RASEF: variants seen among roughly 807,000 people sequenced by gnomAD.
RASEF encodes the protein RAS and EF-hand domain containing.
Under a neutral mutation model 90.1 loss-of-function variants are expected in RASEF, and 68 were observed. The ratio of observed to expected loss-of-function variants is 0.75; its 90% CI spans 0.62 to 0.92. RASEF has a LOEUF of 0.92. Among genes scored for constraint, RASEF ranks in the 40% least tolerant of loss-of-function variants. RASEF has a pLI of 0.00. For synonymous variants in RASEF, 331 were observed against 345.2 expected (o/e 0.96, Z 0.46); for missense variants, 949 against 937.2 (o/e 1.01, Z -0.16).
chr9:83,005,422 T>TA lies in RASEF; in HGVS notation c.1106_1107insT (p.Arg369SerfsTer7). 1 of 1,608,222 alleles carries TA rather than the reference T, an allele frequency of 6.2e-7. No individual in the cohort carries two copies. The highest frequency in any genetic ancestry group is 8.5e-7 in the Non-Finnish European group (1 of 1,174,750). ...GTAAAACTATGTGGCATACCAAAGA[T>TA]CTGTTGAACTTGCTATAACTGTTTT... On this transcript the variant is annotated frameshift_variant, in exon 8 of 17. Coordinates refer to ENST00000376447, the MANE Select transcript of RASEF (RefSeq NM_152573.4). LOFTEE classifies it high-confidence loss of function.
intron 15 of RASEF, 112 bp from the exon 16 acceptor site, chr9:82,990,579 T>C: frequency 3.0e-6 from 2 of 662,892 alleles, no homozygotes; most frequent in Non-Finnish European, 2.5e-6. Flanking sequence ...ATGCTAAGAG[T>C]AACTAATAGC....
At chr9:83,115,388 C>T in the RASEF span, among the ~76,000 whole-genome samples, 1 of 152,028 alleles carries the variant, frequency 6.6e-6, no homozygotes, top group African/African-American at 2.4e-5. Flanking sequence ...AAATATAAAA[C>T]CAAGTAATCA....
chr9:83,179,735 G>T, the RASEF span, among the ~76,000 whole-genome samples: 1 of 152,074 alleles, frequency 6.6e-6, no homozygotes, highest in Non-Finnish European at 1.5e-5. Context: ...AAAGTACCCA[G>T]ATATTTTGCT....
chr9:83,182,628 T>A, the RASEF span, among the ~76,000 whole-genome samples: 1 of 152,212 alleles, frequency 6.6e-6, no homozygotes, highest in African/African-American at 2.4e-5. Context: ...GTGTAAACAC[T>A]TAGACAAATA....
chr9:83,000,073 C>T, intron 12 of RASEF, 96 bp downstream of exon 12: 1 of 1,104,306 alleles, frequency 9.1e-7, no homozygotes, highest in Non-Finnish European at 1.3e-6. Context: ...AAAGAGAAAA[C>T]TGTTAACTGA....
intron 1 of RASEF, among the ~76,000 whole-genome samples, chr9:83,031,932 T>C (rs1373182589): frequency 6.6e-6 from 1 of 152,154 alleles, no homozygotes; most frequent in Non-Finnish European, 1.5e-5. Flanking sequence ...TTCTGGGGTA[T>C]GCCAAGAGAC....
At chr9:83,018,686 CTTA>C (rs146905215) in intron 3 of RASEF, among the ~76,000 whole-genome samples, 74,951 of 151,476 alleles carry the variant, frequency 0.49, 18,663 homozygotes, top group East Asian at 0.73. Flanking sequence ...GATTTCAAGA[CTTA>C]TTATAAACCA....
chr9:83,090,036 CT>C, the RASEF span, among the ~76,000 whole-genome samples: 1 of 152,050 alleles, frequency 6.6e-6, no homozygotes, highest in Non-Finnish European at 1.5e-5. Flanking sequence ...TTTCTTCATT[CT>C]TTTTTCTTTG....
chr9:83,114,147 T>A, the RASEF span, among the ~76,000 whole-genome samples: 2 of 152,132 alleles, frequency 1.3e-5, no homozygotes, highest in Non-Finnish European at 1.5e-5. Flanking sequence ...AGAACATAAA[T>A]TGTGAAGATT....
At chr9:82,986,341 G>A (rs1252906730) in intron 16 of RASEF, among the ~76,000 whole-genome samples, 3 of 152,034 alleles carry the variant, frequency 2.0e-5, no homozygotes, top group Admixed American at 2.0e-4. Flanking sequence ...TATCAGCTAC[G>A]TACCATATGG....
the RASEF span, among the ~76,000 whole-genome samples, chr9:83,161,826 T>C: frequency 6.6e-6 from 1 of 152,040 alleles, no homozygotes; most frequent in Admixed American, 6.5e-5. Context: ...GTTCTCATGA[T>C]AGTGAGTCTT....
the RASEF span, among the ~76,000 whole-genome samples, chr9:83,193,803 A>C: frequency 2.0e-5 from 3 of 152,172 alleles, no homozygotes; most frequent in Non-Finnish European, 2.9e-5. Context: ...GTGCATATAC[A>C]GGTGAAACAT....
the RASEF span, among the ~76,000 whole-genome samples, chr9:83,166,323 G>T: frequency 2.0e-5 from 3 of 152,124 alleles, no homozygotes; most frequent in Admixed American, 6.6e-5. Flanking sequence ...CAACCAAGTG[G>T]AATTTTTCTA....
At chr9:83,184,635 T>C in the RASEF span, among the ~76,000 whole-genome samples, 2 of 152,106 alleles carry the variant, frequency 1.3e-5, no homozygotes, top group Non-Finnish European at 2.9e-5. Context: ...TATTTCATCC[T>C]GTGTTTCTCT....
At chr9:83,123,696 C>A in the RASEF span, among the ~76,000 whole-genome samples, 102 of 152,334 alleles carry the variant, frequency 6.7e-4, no homozygotes, top group African/African-American at 2.2e-3. Context: ...GTCAATAAAT[C>A]TGACTTCCTC....
At chr9:83,179,284 G>A in the RASEF span, among the ~76,000 whole-genome samples, 2 of 152,156 alleles carry the variant, frequency 1.3e-5, no homozygotes, top group East Asian at 3.9e-4. Flanking sequence ...TACCATACTT[G>A]AGAACACACA....
chr9:83,164,292 C>T, the RASEF span, among the ~76,000 whole-genome samples: 10 of 143,588 alleles, frequency 7.0e-5, no homozygotes, highest in South Asian at 4.5e-4. Context: ...GATAATAGTC[C>T]GTTCAAAAAA....
At chr9:83,176,382 GTA>G in the RASEF span, among the ~76,000 whole-genome samples, 1 of 151,972 alleles carries the variant, frequency 6.6e-6, no homozygotes, top group East Asian at 1.9e-4. Flanking sequence ...GTTTCTTTAT[GTA>G]TAGTGTGTTT....
chr9:83,015,770 G>C, intron 4 of RASEF, 35 bp downstream of exon 4: 1 of 1,451,752 alleles, frequency 6.9e-7, no homozygotes, highest in Non-Finnish European at 9.7e-7. Flanking sequence ...GAGATGCTGA[G>C]GCTGTTCCTA....
Sources: gnomAD v4.1 joint callset for allele counts (sites outside exome capture counted in the v4.1 genomes callset) on GRCh38, gnomAD v4.1.1 for gene constraint, MANE v1.5 for transcripts, NCBI Gene and HGNC (gene_info 2026-07-23, HGNC 2026-07-21) for gene names.